TNN: variants seen among roughly 807,000 people sequenced by gnomAD.
The protein encoded by TNN is tenascin-N.
In TNN, 122 loss-of-function variants were observed where a neutral mutation model predicts 134.4. The ratio of observed to expected loss-of-function variants is 0.91; its 90% CI spans 0.78 to 1.06. TNN has a LOEUF of 1.06. Among genes scored for constraint, TNN ranks in the 50% least tolerant of loss-of-function variants. The probability of loss-of-function intolerance (pLI) is 0.00; values close to 1 mark genes in which losing one functional copy is unlikely to be tolerated. For synonymous variants in TNN, 710 were observed against 670.3 expected, an observed-to-expected ratio of 1.06 and a Z score of -0.91; for missense variants, 1,739 against 1,699.4, an observed-to-expected ratio of 1.02 and a Z score of -0.41.
chr1:175,101,122 A>T (rs945789388), intron 9 of TNN, among the ~76,000 whole-genome samples: 4 of 152,200 alleles, frequency 2.6e-5, no homozygotes, highest in Non-Finnish European at 5.9e-5. Context: ...TTCAAGAATG[A>T]AGCTGCGGAC....
At chr1:175,084,041 C>A in intron 5 of TNN, 106 bp downstream of exon 5, 1 of 1,168,514 alleles carries the variant, frequency 8.6e-7, no homozygotes, top group Non-Finnish European at 1.2e-6. Flanking sequence ...GCACAGACAG[C>A]CCAGGGGCCT....
chr1:175,109,673 T>TTATA (rs371435071), intron 9 of TNN, among the ~76,000 whole-genome samples: 1 of 147,682 alleles, frequency 6.8e-6, no homozygotes, highest in Non-Finnish European at 1.5e-5. Flanking sequence ...TATATATATA[T>TTATA]TATATATATA....
chr1:175,079,690 G>A lies in TNN; in HGVS notation c.767G>A (p.Gly256Asp), dbSNP rs764893885. ...TGCTACTGCGAGGAGGGCTTCACAG[G>A]CCTGGACTGTGCCCAGGGTGAGAGC... ...GECYCEEGFT[G>D]LDCAQVVTPQ... Residue 256 changes from glycine to aspartate, a missense_variant, in exon 3 of 19, where the codon GGC (glycine) becomes GAC (aspartate). Gly to Asp is a moderately conservative substitution (Grantham distance 94). Transcript: ENST00000239462. 1 of 1,600,272 alleles carries A rather than the reference G, an allele frequency of 6.2e-7. No individual in the cohort carries two copies. Among genetic ancestry groups the A allele is most frequent in the South Asian group, 1.1e-5 (1 of 89,954 alleles).
chr1:175,105,234 C>T (rs1297227730), intron 9 of TNN, among the ~76,000 whole-genome samples: 4 of 145,890 alleles, frequency 2.7e-5, no homozygotes, highest in African/African-American at 9.9e-5. Flanking sequence ...CTATCAGGAT[C>T]ATCTGAAAAC....
Position 175,128,769 on chromosome 1 carries a change from GA to G in TNN, c.3330+24del, listed in dbSNP as rs1558371336. On this transcript the variant is annotated intron_variant, in intron 15 of 18. Transcript: ENST00000239462. ...ATTGTGAGTCACGCAGAACCCTGGG[GA>G]GCTCTGTGTAGGGCCTTCCTTCTCA... 5 of 1,604,564 alleles carry G rather than the reference GA, an allele frequency of 3.1e-6. No homozygotes were observed. The East Asian group carries it at 1.1e-4, about 36-fold the overall frequency.
chr1:175,139,581 G>A (rs895261956), intron 17 of TNN, among the ~76,000 whole-genome samples: 4 of 149,426 alleles, frequency 2.7e-5, no homozygotes, highest in Non-Finnish European at 5.9e-5. Context: ...TCTTGAATAC[G>A]TCCCAAAGGA....
At chr1:175,105,358 C>T (rs562283476) in intron 9 of TNN, among the ~76,000 whole-genome samples, 6 of 145,424 alleles carry the variant, frequency 4.1e-5, no homozygotes, top group South Asian at 4.6e-4. Flanking sequence ...ACCGATAGCC[C>T]GGGGGTTTTT....
At chr1:175,109,650 G>A (rs1237511461) in intron 9 of TNN, among the ~76,000 whole-genome samples, 3 of 149,286 alleles carry the variant, frequency 2.0e-5, no homozygotes, top group Non-Finnish European at 4.4e-5. Context: ...ATTCTGTTGT[G>A]TATGTATATG....
chr1:175,138,200 G>A (rs1336409279), intron 17 of TNN, among the ~76,000 whole-genome samples: 1 of 152,200 alleles, frequency 6.6e-6, no homozygotes, highest in Non-Finnish European at 1.5e-5. Context: ...CATGATCTGG[G>A]TGGCCAACTA....
At chr1:175,068,827 G>C (rs865989698) in intron 1 of TNN, among the ~76,000 whole-genome samples, 1 of 152,214 alleles carries the variant, frequency 6.6e-6, no homozygotes, top group Non-Finnish European at 1.5e-5. Context: ...AGAATTGCTT[G>C]AACCTGGGAG....
chr1:175,145,476 C>G (rs1676040262), intron 18 of TNN, among the ~76,000 whole-genome samples: 1 of 134,468 alleles, frequency 7.4e-6, no homozygotes, highest in Non-Finnish European at 1.5e-5. Context: ...TCACTTGAGC[C>G]TGGGAGGTTG....
At position 175,104,305 on chromosome 1, in the gene TNN, G is replaced by C. The variant is rs1428189498; in HGVS notation, c.2119+5710G>C. ...AACATACCCAGGGCTCAGTGAGGGT[G>C]ATGACATGAGCTGGTGCTTGCCCCG... is the stretch of plus-strand genomic sequence containing the variant. On this transcript the variant is annotated intron_variant, in intron 9 of 18. Transcript: ENST00000239462. Among the ~76,000 whole-genome samples the C allele has an allele frequency of 1.4e-5, 2 of 145,352 alleles. 1 individual carries two copies. The highest frequency in any genetic ancestry group is 3.1e-5 in the Non-Finnish European group (2 of 65,494).
intron 4 of TNN, among the ~76,000 whole-genome samples, chr1:175,082,757 G>T (rs1213326847): frequency 6.6e-6 from 1 of 152,196 alleles, no homozygotes; most frequent in African/African-American, 2.4e-5. Flanking sequence ...GACACCTCCA[G>T]GGAGGTGAAG....
At chr1:175,071,724 C>CT (rs1673919422) in intron 1 of TNN, among the ~76,000 whole-genome samples, 1 of 152,144 alleles carries the variant, frequency 6.6e-6, no homozygotes, top group African/African-American at 2.4e-5. Context: ...GCTGTGTGTC[C>CT]TTTGGCAAAT....
intron 4 of TNN, 138 bp from the exon 5 acceptor site, chr1:175,083,612 A>G (rs1484781851): frequency 1.4e-6 from 1 of 725,744 alleles, no homozygotes; most frequent in Non-Finnish European, 2.2e-6. Context: ...GACACCTGCT[A>G]AGAACTGTGT....
chr1:175,139,988 CAT>C (rs1380245951), intron 17 of TNN, among the ~76,000 whole-genome samples: 3 of 152,190 alleles, frequency 2.0e-5, no homozygotes, highest in Non-Finnish European at 2.9e-5. Flanking sequence ...AGTTGGGAAA[CAT>C]AGATGGACAT....
chr1:175,079,707 G>T lies in TNN; in HGVS notation c.784G>T (p.Val262Leu), dbSNP rs61827407. The T allele has an allele frequency of 6.3e-7, 1 of 1,587,148 alleles. No individual in the cohort carries two copies. Among genetic ancestry groups the T allele is most frequent in the Non-Finnish European group, 8.6e-7 (1 of 1,163,878 alleles). ...EGFTGLDCAQ[V>L]VTPQGLQLLK... is the part of the protein sequence containing the mutation. ...CTTCACAGGCCTGGACTGTGCCCAG[G>T]GTGAGAGCGGAGATGTGCCCTCGGG... The change falls in exon 3 of 19, where the codon GTG becomes TTG. Residue 262 changes from valine (V) to leucine (L), a missense_variant and splice_region_variant. Coordinates refer to ENST00000239462, the MANE Select transcript of TNN (RefSeq NM_022093.2).
At chr1:175,069,473 T>C (rs1673871938) in intron 1 of TNN, among the ~76,000 whole-genome samples, 3 of 152,232 alleles carry the variant, frequency 2.0e-5, no homozygotes, top group Admixed American at 1.3e-4. Flanking sequence ...AATCATCCCG[T>C]GGCTTCTGGT....
rs1416842795 is a variant in TNN at position 175,112,650 on chromosome 1, C to T, written c.2120-4289C>T. 3.4e-5 allele frequency among the ~76,000 whole-genome samples: 3 copies of T among 89,508 alleles called. No individual in the cohort carries two copies. In the Admixed American group the frequency reaches 4.7e-4, roughly 14 times the overall value. 58.7% of individuals were successfully genotyped at this position (89,508 alleles called of 152,430 possible). On this transcript the variant is annotated intron_variant, in intron 9 of 18. Coordinates refer to ENST00000239462, the MANE Select transcript of TNN (RefSeq NM_022093.2). ...TTTTTTTTTTTGAGGCAAAGCCTCA[C>T]TCTGTTGTCCAGGCTGGAATGCAGT... is the stretch of plus-strand genomic sequence containing the variant.
Sources: allele counts gnomAD v4.1 joint callset (sites outside exome capture counted in the v4.1 genomes callset), GRCh38; gene constraint gnomAD v4.1.1; transcripts MANE v1.5; gene names NCBI Gene and HGNC (gene_info 2026-07-23, HGNC 2026-07-21).